Variants in SLC34A2 observed in about 807,000 individuals in gnomAD.
SLC34A2 encodes solute carrier family 34 member 2.
SLC34A2 carries 41 observed loss-of-function variants against 50.8 expected under a neutral mutation model. The ratio of observed to expected loss-of-function variants is 0.81; its 90% CI spans 0.63 to 1.05. The LOEUF (loss-of-function observed/expected upper bound fraction) is 1.05. Among genes scored for constraint, SLC34A2 ranks in the 50% least tolerant of loss-of-function variants. The pLI is 0.00. For missense variants in SLC34A2, 879 were observed against 876.7 expected (o/e 1.00, Z -0.03); for synonymous variants, 401 against 364.2 (o/e 1.10, Z -1.15).
rs937781700 is a variant in SLC34A2, at chr4:25,678,648, T to C, written c.*1899T>C. On this transcript the variant is annotated 3_prime_UTR_variant, in exon 13 of 13. Transcript: ENST00000382051. ...CGCCCACCTCAGCCTCCCAAAGTGC[T>C]GAGATCACAGGCGTGAGCCACCACC... 2.8e-6 allele frequency: 1 copy of C among 358,156 alleles called. No individual in the cohort carries two copies. Among genetic ancestry groups the C allele is most frequent in the Non-Finnish European group, 5.2e-6 (1 of 193,526 alleles). The allele number at this position is 358,156 out of a possible 1,614,324, so 22.2% of individuals were successfully genotyped here.
Position 25,669,774 on chromosome 4 carries a change from A to G in SLC34A2, c.763A>G (p.Lys255Glu). 1.9e-6 allele frequency: 3 copies of G among 1,614,162 alleles called. No homozygotes were observed. In the African/African-American group the frequency reaches 4.0e-5, roughly 22 times the overall value. ...TQLIVESFHF[K>E]NGEDAPDLLK... Reference sequence around the variant, plus strand: ...GCTTATAGTGGAGAGCTTCCACTTCAAGAATGGAGAAGATGCCCCAGATCT... The same window carrying G: ...GCTTATAGTGGAGAGCTTCCACTTCGAGAATGGAGAAGATGCCCCAGATCT... Residue 255 changes from lysine to glutamate, a missense_variant, in exon 7 of 13, where the codon AAG (lysine) becomes GAG (glutamate). Physicochemically the swap from Lys to Glu is moderately conservative, Grantham distance 56. Transcript: ENST00000382051.
intron 6 of SLC34A2, among the ~76,000 whole-genome samples, chr4:25,668,654 A>AAAT (rs1560238337): frequency 0.011 from 1,630 of 148,618 alleles, 22 homozygotes; most frequent in African/African-American, 0.039. Context: ...AAAAAAAAAA[A>AAAT]AAATAAATAA....
In SLC34A2 at chr4:25,659,534, T is replaced by C. The variant is rs1038282502; in HGVS notation, c.-3-2964T>C. ...TTTATTGTTCATGACACAGTGCATT[T>C]CCACATTGTGTCATGAACAATAAAC... On this transcript the variant is annotated intron_variant, in intron 1 of 12. Transcript: ENST00000382051. Among the ~76,000 whole-genome samples the C allele has an allele frequency of 4.5e-4, 68 of 152,130 alleles. 1 individual carries two copies. The highest frequency in any genetic ancestry group is 3.1e-3 in the Admixed American group (48 of 15,290).
At position 25,662,658 on chromosome 4, in the gene SLC34A2, C is replaced by T. The variant is rs776737431; in HGVS notation, c.112+46C>T. 4.3e-6 allele frequency: 7 copies of T among 1,613,948 alleles called. No individual in the cohort carries two copies. The Admixed American group carries it at 5.0e-5, about 12-fold the overall frequency. ...TGCAGATCGGCCTTTGTGAGGACCCCAGGAGACTCAGGTCTGATTCCTCAT... is the reference window on the plus strand; with the variant it reads ...TGCAGATCGGCCTTTGTGAGGACCCTAGGAGACTCAGGTCTGATTCCTCAT... On this transcript the variant is annotated intron_variant, in intron 2 of 12. Coordinates refer to ENST00000382051, the MANE Select transcript of SLC34A2 (RefSeq NM_006424.3).
chr4:25,675,633 C>T (rs950685535), intron 12 of SLC34A2, among the ~76,000 whole-genome samples: 6 of 152,292 alleles, frequency 3.9e-5, no homozygotes, highest in Admixed American at 1.3e-4. Context: ...TTTAATATGT[C>T]ATCTGTCAAA....
At chr4:25,666,417 T>G in intron 5 of SLC34A2, 146 bp downstream of exon 5, 1 of 929,614 alleles carries the variant, frequency 1.1e-6, no homozygotes. Context: ...TACAATGTGT[T>G]TCCCTCTTGA....
intron 8 of SLC34A2, 94 bp downstream of exon 8, chr4:25,670,927 C>G: frequency 9.7e-7 from 1 of 1,035,154 alleles, no homozygotes; most frequent in South Asian, 1.3e-5. Flanking sequence ...AATAGAAAGT[C>G]AGGGGAAAGA....
rs34027435 is a variant in SLC34A2, at chr4:25,662,916, C to G, written c.250+74C>G. 49,061 of 1,547,640 alleles carry G rather than the reference C, an allele frequency of 0.032. 3,379 individuals are homozygous for G. In the East Asian group the frequency reaches 0.34, roughly 11 times the overall value. On this transcript the variant is annotated intron_variant, in intron 3 of 12. Transcript: ENST00000382051. ...TCACGGTGTCATCATCCTCCTGTCC[C>G]TCCCCCTTTTCATTGTTCTGATTCC...
In SLC34A2 at chr4:25,670,869, A is replaced by G. The variant is rs1426271706; in HGVS notation, c.927+36A>G. On this transcript the variant is annotated intron_variant, in intron 8 of 12. Transcript: ENST00000382051. ...AAGAATATTCCCGGGGCGGGGAGTGAACCTTTGCATCTGAACATGAAACTA... is the reference window on the plus strand; with the variant it reads ...AAGAATATTCCCGGGGCGGGGAGTGGACCTTTGCATCTGAACATGAAACTA... 5.3e-6 allele frequency: 8 copies of G among 1,504,176 alleles called. No homozygotes were observed. The Admixed American group carries it at 8.4e-5, about 16-fold the overall frequency. The allele number at this position is 1,504,176 out of a possible 1,614,324, so 93.2% of individuals were successfully genotyped here. A position where few individuals can be genotyped will look rare whatever the true frequency, so the allele number is the denominator to read the frequency against.
intron 3 of SLC34A2, 102 bp downstream of exon 3, chr4:25,662,944 T>C: frequency 7.2e-7 from 1 of 1,390,046 alleles, no homozygotes; most frequent in Admixed American, 2.0e-5. Flanking sequence ...CTGATTCCCT[T>C]GAAGCAAGGG....
intron 4 of SLC34A2, 77 bp from the exon 5 acceptor site, chr4:25,666,051 T>G: frequency 6.3e-7 from 1 of 1,584,252 alleles, no homozygotes; most frequent in South Asian, 1.1e-5. Context: ...GGATGGAGAC[T>G]TCTGTTTACT....
chr4:25,669,503 G>A (rs1714698220), intron 6 of SLC34A2, 144 bp from the exon 7 acceptor site: 1 of 800,902 alleles, frequency 1.2e-6, no homozygotes, highest in Non-Finnish European at 2.2e-6. Context: ...CGATATGAGA[G>A]AACAAAAATG....
rs11938510 is a variant in SLC34A2 at position 25,675,072 on chromosome 4, C to T, written c.1458+443C>T. On this transcript the variant is annotated intron_variant, in intron 12 of 12. Transcript: ENST00000382051. ...TTTGAGACAGAGTCTCGCACTGTAG[C>T]CCAGGCTGGAGTGCAGTGATACAAT... Among the ~76,000 whole-genome samples the T allele has an allele frequency of 5.1e-3, 780 of 152,266 alleles. 7 individuals are homozygous for T. The highest frequency in any genetic ancestry group is 0.017 in the African/African-American group (694 of 41,560).
At position 25,674,569 on chromosome 4, in the gene SLC34A2, C is replaced by T. The variant is rs764531945; in HGVS notation, c.1398C>T (p.Thr466=). The change falls in exon 12 of 13, where the codon ACC becomes ACT. Residue 466 remains threonine (T), a synonymous_variant. Coordinates refer to ENST00000382051, the MANE Select transcript of SLC34A2 (RefSeq NM_006424.3). ...CGCTGGGCTCCAACATCGGCACCAC[C>T]ACCACCGCCATCCTGGCCGCCTTAG... ...PLTLGSNIGT[T]TTAILAALAS... is the part of the protein sequence containing the mutation. 3.7e-6 allele frequency: 6 copies of T among 1,614,212 alleles called. No individual in the cohort carries two copies. The South Asian group carries it at 6.6e-5, about 18-fold the overall frequency.
intron 9 of SLC34A2, 31 bp downstream of exon 9, chr4:25,671,752 G>A (rs1714828644): frequency 1.2e-6 from 2 of 1,613,946 alleles, no homozygotes; most frequent in African/African-American, 2.7e-5. Context: ...TGGCCACTAT[G>A]ACAGGTGTTG....
chr4:25,669,853 T>A lies in SLC34A2; in HGVS notation c.831+11T>A. ...AAGCTCATTGTCCAGGTAACTTAGC[T>A]CCTTCAGAGAGAGAAGGAGACTAAC... On this transcript the variant is annotated intron_variant, in intron 7 of 12. Transcript: ENST00000382051. 1 of 1,611,768 alleles carries A rather than the reference T, an allele frequency of 6.2e-7. No homozygotes were observed. The highest frequency in any genetic ancestry group is 1.1e-5 in the South Asian group (1 of 91,044).
chr4:25,661,772 C>T (rs145904983), intron 1 of SLC34A2, among the ~76,000 whole-genome samples: 2,364 of 152,120 alleles, frequency 0.016, 33 homozygotes, highest in Non-Finnish European at 0.022. Flanking sequence ...TTGCAGTGCA[C>T]TTGTCTTGAT....
At chr4:25,662,033 G>T (rs562338258) in intron 1 of SLC34A2, among the ~76,000 whole-genome samples, 17 of 151,788 alleles carry the variant, frequency 1.1e-4, no homozygotes, top group African/African-American at 4.1e-4. Context: ...CCACCACGCC[G>T]GCTAATTTTT....
Position 25,670,753 on chromosome 4 carries a change from A to G in SLC34A2, c.847A>G (p.Ile283Val). Residue 283 changes from isoleucine (I) to valine (V), a missense_variant, in exon 8 of 13, where the codon ATC becomes GTC. Ile to Val is a conservative substitution (Grantham distance 29, BLOSUM62 3). Coordinates refer to ENST00000382051, the MANE Select transcript of SLC34A2 (RefSeq NM_006424.3). ...GTTTCCACAGCTGGATAAAAAAGTT[A>G]TCAGCCAAATTGCAATGAACGATGA... ...KLIVQLDKKV[I>V]SQIAMNDEKA... 6.2e-7 allele frequency: 1 copy of G among 1,613,846 alleles called. No individual in the cohort carries two copies. Among genetic ancestry groups the G allele is most frequent in the Non-Finnish European group, 8.5e-7 (1 of 1,179,766 alleles).
Sources: gnomAD v4.1 joint callset for allele counts (sites outside exome capture counted in the v4.1 genomes callset) on GRCh38, gnomAD v4.1.1 for gene constraint, MANE v1.5 for transcripts, NCBI Gene and HGNC (gene_info 2026-07-23, HGNC 2026-07-21) for gene names.